The following LANCL3 variants were observed in gnomAD, a reference collection of about 807,000 sequenced individuals.
LANCL3 encodes the protein lanC-like protein 3.
Under a neutral mutation model 26.5 loss-of-function variants are expected in LANCL3, and 19 were observed. The ratio of observed to expected loss-of-function variants is 0.72; its 90% confidence interval spans 0.50 to 1.05. LANCL3 has a LOEUF of 1.05. Ranked by LOEUF, LANCL3 falls within the 50% of genes least tolerant of loss-of-function variation. The pLI, the probability that LANCL3 is intolerant of heterozygous loss-of-function variation, is 0.00. For missense variants in LANCL3, 318 were observed against 362.7 expected (o/e 0.88, Z 1.00); for synonymous variants, 160 against 166.6 (o/e 0.96, Z 0.30).
chrX:37,634,046 C>T (rs113724947), intron 1 of LANCL3, among the ~76,000 whole-genome samples: 39 of 112,746 alleles, frequency 3.5e-4, no homozygotes, highest in African/African-American at 1.2e-3. Flanking sequence ...GTGGAGCCTA[C>T]AGAGGCAGGC....
chrX:37,592,381 G>A (rs782326446), intron 1 of LANCL3, among the ~76,000 whole-genome samples: 1 of 112,224 alleles, frequency 8.9e-6, no homozygotes, highest in East Asian at 2.8e-4. Flanking sequence ...AAATAGGAAC[G>A]GTCATTCAAA....
intron 4 of LANCL3, 79 bp from the exon 5 acceptor site, chrX:37,675,575 T>C (rs1926778266): frequency 4.1e-6 from 2 of 483,458 alleles, no homozygotes; most frequent in Non-Finnish European, 3.2e-6. Context: ...AAAACTTTAA[T>C]AGAAGAGGAA....
In LANCL3 at chrX:37,661,342, G is replaced by GT. The variant is rs376428485; in HGVS notation, c.895+1684dup. On this transcript the variant is annotated intron_variant, in intron 3 of 4. Transcript: ENST00000378619. ...CATCTGTCTTTGTAAATCATTTACC[G>GT]TAACAGTGCAGCATAGGATTCATCA... 2.6e-3 allele frequency among the ~76,000 whole-genome samples: 293 copies of GT among 111,628 alleles called. 1 individual carries two copies. The highest frequency in any genetic ancestry group is 9.2e-3 in the African/African-American group (283 of 30,724).
chrX:37,576,338 G>C (rs1478197712), intron 1 of LANCL3, among the ~76,000 whole-genome samples: 1 of 111,463 alleles, frequency 9.0e-6, no homozygotes, highest in South Asian at 3.8e-4. Context: ...AGATATCCTT[G>C]AGCAATGGGG....
rs782294544 is a variant in LANCL3 at position 37,616,488 on chromosome X, C to T, written c.574-39200C>T. On this transcript the variant is annotated intron_variant, in intron 1 of 4. Coordinates refer to ENST00000378619, the MANE Select transcript of LANCL3 (RefSeq NM_001170331.2). ...ATTGACTAGCATTCTAAAGTTGTTACTTTCTCTGCAGAAATGTCAGGGAGG... is the reference window on the plus strand; with the variant it reads ...ATTGACTAGCATTCTAAAGTTGTTATTTTCTCTGCAGAAATGTCAGGGAGG... 4.5e-5 allele frequency among the ~76,000 whole-genome samples: 5 copies of T among 112,064 alleles called. No individual in the cohort carries two copies. In the South Asian group the frequency reaches 1.9e-3, roughly 42 times the overall value.
chrX:37,654,476 C>G (rs1231809715), intron 1 of LANCL3, among the ~76,000 whole-genome samples: 1 of 112,015 alleles, frequency 8.9e-6, no homozygotes, highest in Non-Finnish European at 1.9e-5. Context: ...GTTAATCTGA[C>G]CAGTACGTTT....
chrX:37,580,777 G>A lies in LANCL3; in HGVS notation c.573+8334G>A, dbSNP rs1373306961. On this transcript the variant is annotated intron_variant, in intron 1 of 4. Transcript: ENST00000378619. ...TCACCTTCTATGAGTTTGACTTTTTGAGGTTCTACATATATGTCACATAAT... is the reference window on the plus strand; with the variant it reads ...TCACCTTCTATGAGTTTGACTTTTTAAGGTTCTACATATATGTCACATAAT... Among the ~76,000 whole-genome samples the A allele has an allele frequency of 2.9e-5, 3 of 104,689 alleles. No homozygotes were observed. In the East Asian group the frequency reaches 9.3e-4, roughly 32 times the overall value. The allele number at this position is 104,689 out of a possible 115,157, so 90.9% of individuals were successfully genotyped here.
Position 37,572,350 on chromosome X carries a change from C to T in LANCL3, c.480C>T (p.Val160=), listed in dbSNP as rs1556415792. 8.6e-7 allele frequency: 1 copy of T among 1,167,316 alleles called. No homozygotes were observed. Among genetic ancestry groups the T allele is most frequent in the Non-Finnish European group, 1.1e-6 (1 of 873,248 alleles). The stretch of plus-strand genomic sequence containing the variant: ...CTCTGTGTGCCGTCTGCGCGCCGGT[C>T]TCCTTCCTGGAGTGCGGCTCCGACG... ...FRALCAVCAP[V]SFLECGSDEL... The change falls in exon 1 of 5, where the codon GTC becomes GTT. Residue 160 remains valine (V), a synonymous_variant. Transcript: ENST00000378619.
chrX:37,586,764 A>T (rs782774561), intron 1 of LANCL3, among the ~76,000 whole-genome samples: 1 of 112,118 alleles, frequency 8.9e-6, no homozygotes, highest in South Asian at 3.7e-4. Flanking sequence ...AGCTCGGAGA[A>T]GTTTGATCGT....
In LANCL3 at chrX:37,629,943, G is replaced by A. The variant is rs782388422; in HGVS notation, c.574-25745G>A. On this transcript the variant is annotated intron_variant, in intron 1 of 4. Transcript: ENST00000378619. ...ACTTGGCGATGCGGGCTCTTTTTTG[G>A]TTCCATATGAACTTTAAAGTAGTTT... Among the ~76,000 whole-genome samples, 19 of 111,072 alleles carry A rather than the reference G, an allele frequency of 1.7e-4. No homozygotes were observed. In the East Asian group the frequency reaches 4.8e-3, roughly 28 times the overall value.
intron 1 of LANCL3, among the ~76,000 whole-genome samples, chrX:37,630,796 G>A (rs1184071287): frequency 9.1e-6 from 1 of 110,203 alleles, no homozygotes; most frequent in Non-Finnish European, 1.9e-5. Flanking sequence ...TCCCAGGGAT[G>A]AAGCCCACTT....
At chrX:37,632,549 C>T (rs1474120655) in intron 1 of LANCL3, among the ~76,000 whole-genome samples, 16 of 111,488 alleles carry the variant, frequency 1.4e-4, no homozygotes, top group East Asian at 2.8e-4. Context: ...TTCCTAGTGT[C>T]GATGGTCTTT....
intron 4 of LANCL3, among the ~76,000 whole-genome samples, chrX:37,670,614 A>T (rs1450592961): frequency 1.8e-5 from 2 of 111,361 alleles, no homozygotes; most frequent in Non-Finnish European, 3.8e-5. Context: ...TATAAACTGA[A>T]TTTATATAAA....
chrX:37,577,539 TG>T (rs1314310691), intron 1 of LANCL3, among the ~76,000 whole-genome samples: 1 of 112,415 alleles, frequency 8.9e-6, no homozygotes, highest in Non-Finnish European at 1.9e-5. Context: ...AGTTTACATT[TG>T]TAACGAAATG....
At chrX:37,652,130 C>A (rs1050767543) in intron 1 of LANCL3, among the ~76,000 whole-genome samples, 2 of 109,435 alleles carry the variant, frequency 1.8e-5, no homozygotes, top group Non-Finnish European at 3.8e-5. Context: ...AGTTGCTATT[C>A]GCATATTCAG....
chrX:37,656,306 T>G (rs186976241), intron 2 of LANCL3, among the ~76,000 whole-genome samples: 6 of 111,117 alleles, frequency 5.4e-5, no homozygotes, highest in Non-Finnish European at 3.8e-5. Flanking sequence ...GGCTTACCAT[T>G]ACTACTGAGC....
At chrX:37,645,151 A>G (rs1925957876) in intron 1 of LANCL3, among the ~76,000 whole-genome samples, 1 of 112,608 alleles carries the variant, frequency 8.9e-6, no homozygotes, top group Non-Finnish European at 1.9e-5. Context: ...GCCAGCAGTC[A>G]GGCTGTAAGA....
At chrX:37,580,777 G>C (rs1373306961) in intron 1 of LANCL3, among the ~76,000 whole-genome samples, 1 of 104,689 alleles carries the variant, frequency 9.6e-6, no homozygotes, top group Non-Finnish European at 2.0e-5. Flanking sequence ...TTGACTTTTT[G>C]AGGTTCTACA....
At chrX:37,582,352 C>T (rs1399971323) in intron 1 of LANCL3, among the ~76,000 whole-genome samples, 18 of 111,882 alleles carry the variant, frequency 1.6e-4, no homozygotes, top group African/African-American at 4.9e-4. Flanking sequence ...CCTGAGGAAT[C>T]GCCACACTGT....
Sources: gnomAD v4.1 joint callset for allele counts (sites outside exome capture counted in the v4.1 genomes callset) on GRCh38, gnomAD v4.1.1 for gene constraint, MANE v1.5 for transcripts, NCBI Gene and HGNC (gene_info 2026-07-23, HGNC 2026-07-21) for gene names.